ZNF385B: variants seen among roughly 807,000 people sequenced by gnomAD.
ZNF385B encodes zinc finger protein 533.
ZNF385B carries 23 observed loss-of-function variants against 39.2 expected under a neutral mutation model. That is an observed-to-expected ratio of 0.59 (90% CI 0.42 to 0.83). The LOEUF is 0.83. ZNF385B is among the 40% of genes least tolerant of loss of function. The pLI is 0.00. For missense variants in ZNF385B, 552 were observed against 598.9 expected (o/e 0.92, Z 0.82); for synonymous variants, 205 against 222.6 (o/e 0.92, Z 0.70).
At chr2:179,763,002 T>A (rs925925867) in intron 3 of ZNF385B, among the ~76,000 whole-genome samples, 4 of 152,210 alleles carry the variant, frequency 2.6e-5, no homozygotes, top group African/African-American at 9.7e-5. Context: ...CCTCCTGGGT[T>A]CCAGCGATTC....
At chr2:179,530,656 G>A (rs2059196710) in intron 4 of ZNF385B, among the ~76,000 whole-genome samples, 1 of 152,166 alleles carries the variant, frequency 6.6e-6, no homozygotes. Context: ...CCTCCAGGCA[G>A]GAAGAAGTGC....
intron 1 of ZNF385B, among the ~76,000 whole-genome samples, chr2:179,855,698 G>C (rs17776109): frequency 0.052 from 7,927 of 152,248 alleles, 291 homozygotes; most frequent in Middle Eastern, 0.078. Flanking sequence ...GGCAAGAAAA[G>C]TGTTCACTTG....
intron 3 of ZNF385B, among the ~76,000 whole-genome samples, chr2:179,747,321 T>A (rs951683740): frequency 6.6e-6 from 1 of 152,146 alleles, no homozygotes; most frequent in African/African-American, 2.4e-5. Flanking sequence ...TGGAGACAGA[T>A]TAGACACACG....
At chr2:179,519,157 A>T (rs1314214234) in intron 4 of ZNF385B, among the ~76,000 whole-genome samples, 1 of 152,084 alleles carries the variant, frequency 6.6e-6, no homozygotes, top group Non-Finnish European at 1.5e-5. Flanking sequence ...TAAAAATGTT[A>T]ATGTTTTCCC....
chr2:179,785,123 A>G (rs1439471338), intron 1 of ZNF385B, among the ~76,000 whole-genome samples: 1 of 152,142 alleles, frequency 6.6e-6, no homozygotes, highest in African/African-American at 2.4e-5. Flanking sequence ...TTTACAAATT[A>G]TACAATTTCA....
At chr2:179,748,216 T>C (rs545639377) in intron 3 of ZNF385B, among the ~76,000 whole-genome samples, 156 of 151,954 alleles carry the variant, frequency 1.0e-3, no homozygotes, top group Non-Finnish European at 1.8e-3. Context: ...TAATGCACGA[T>C]GACAAAACTA....
At chr2:179,493,635 GTATACACATATGCGTATA>G (rs1358847667) in intron 5 of ZNF385B, among the ~76,000 whole-genome samples, 86 of 106,096 alleles carry the variant, frequency 8.1e-4, no homozygotes, top group African/African-American at 1.7e-3. Context: ...ATACGCATAT[GTATACACATATGCGTATA>G]CATATATGTA....
intron 1 of ZNF385B, among the ~76,000 whole-genome samples, chr2:179,773,945 T>C (rs1704157499): frequency 6.6e-6 from 1 of 152,136 alleles, no homozygotes. Context: ...AATAAATGAA[T>C]GGCTGTATTT....
intron 3 of ZNF385B, among the ~76,000 whole-genome samples, chr2:179,667,836 T>C (rs1016128873): frequency 3.3e-5 from 5 of 152,152 alleles, no homozygotes; most frequent in Non-Finnish European, 5.9e-5. Flanking sequence ...CCCTATGATT[T>C]TCCAGGTAAC....
At chr2:179,514,086 G>T (rs1274076623) in intron 5 of ZNF385B, 3 of 152,212 alleles carry the variant, frequency 2.0e-5, no homozygotes, top group Admixed American at 6.5e-5. Context: ...TTATCTTACA[G>T]TTCTGGAGGT....
Position 179,444,940 on chromosome 2 carries a change from C to T in ZNF385B, c.1178G>A (p.Gly393Glu). ...GCTGTATTTTGGCTTCAGTGGTTTC[C>T]CTGCAACTCGATCTTTATGCCTTCG... ...SSRRHKDRVA[G>E]KPLKPKYSPY... The change falls in exon 9 of 10, where the codon GGG becomes GAG. Residue 393 changes from glycine to glutamate, a missense_variant. Gly to Glu is a moderately conservative substitution (Grantham distance 98). Transcript: ENST00000410066. The T allele has an allele frequency of 1.9e-6, 3 of 1,614,128 alleles. No homozygotes were observed. Among genetic ancestry groups the T allele is most frequent in the Non-Finnish European group, 2.5e-6 (3 of 1,179,998 alleles).
chr2:179,502,585 C>A (rs1441239274), intron 5 of ZNF385B, among the ~76,000 whole-genome samples: 1 of 152,122 alleles, frequency 6.6e-6, no homozygotes, highest in Admixed American at 6.6e-5. Context: ...TTGCCTTCTG[C>A]CATGATTGTA....
intron 1 of ZNF385B, among the ~76,000 whole-genome samples, chr2:179,852,172 C>T (rs1288487871): frequency 2.6e-5 from 4 of 152,044 alleles, no homozygotes; most frequent in East Asian, 1.9e-4. Context: ...TTGGCAGCTA[C>T]GGAGAAGGGA....
intron 3 of ZNF385B, among the ~76,000 whole-genome samples, chr2:179,676,446 G>C (rs1038087075): frequency 7.2e-5 from 11 of 152,010 alleles, no homozygotes; most frequent in Non-Finnish European, 1.2e-4. Context: ...GGATGGTCTC[G>C]ATCTCCTGAC....
At chr2:179,706,161 C>T (rs774105320) in intron 3 of ZNF385B, among the ~76,000 whole-genome samples, 54 of 152,272 alleles carry the variant, frequency 3.5e-4, no homozygotes, top group Non-Finnish European at 6.9e-4. Context: ...CTCGGTTGAT[C>T]CCATGGAATT....
rs375601501 is a variant in ZNF385B at position 179,623,269 on chromosome 2, G to T, written c.299-78300C>A. Among the ~76,000 whole-genome samples the T allele has an allele frequency of 2.5e-3, 383 of 151,410 alleles. 2 individuals carry two copies. Among genetic ancestry groups the T allele is most frequent in the African/African-American group, 8.2e-3 (340 of 41,390 alleles). ...TGAGAGGAAATTCTAGTGGACATTT[G>T]TCTTTTTTTTTTTTAACCTGGATTC... On this transcript the variant is annotated intron_variant, in intron 3 of 9. Coordinates refer to ENST00000410066, the MANE Select transcript of ZNF385B (RefSeq NM_152520.6).
At chr2:179,500,050 T>G (rs1445585287) in intron 5 of ZNF385B, among the ~76,000 whole-genome samples, 1 of 151,824 alleles carries the variant, frequency 6.6e-6, no homozygotes. Flanking sequence ...TAGCCACACA[T>G]AAAATTAAAT....
intron 6 of ZNF385B, among the ~76,000 whole-genome samples, chr2:179,458,095 G>A (rs979163417): frequency 2.0e-5 from 3 of 152,100 alleles, no homozygotes; most frequent in South Asian, 2.1e-4. Context: ...TAATATCTTC[G>A]TATATCTAAG....
At chr2:179,574,902 G>A (rs1464563413) in intron 3 of ZNF385B, among the ~76,000 whole-genome samples, 2 of 152,028 alleles carry the variant, frequency 1.3e-5, no homozygotes, top group Non-Finnish European at 2.9e-5. Flanking sequence ...TGCCTTCTAG[G>A]ATATTTCTCT....
Sources: gnomAD v4.1 joint callset for allele counts (sites outside exome capture counted in the v4.1 genomes callset) on GRCh38, gnomAD v4.1.1 for gene constraint, MANE v1.5 for transcripts, NCBI Gene and HGNC (gene_info 2026-07-23, HGNC 2026-07-21) for gene names.